ATG16L2: variants seen among roughly 807,000 people sequenced by gnomAD.
ATG16L2 encodes the protein protein Atg16l2.
ATG16L2 carries 77 observed loss-of-function variants against 84.7 expected under a neutral mutation model. The ratio of observed to expected loss-of-function variants is 0.91; its 90% CI spans 0.76 to 1.10. The LOEUF is 1.10. Among genes scored for constraint, ATG16L2 ranks in the 50% least tolerant of loss-of-function variants. The pLI, the probability that ATG16L2 is intolerant of heterozygous loss-of-function variation, is 0.00. For missense variants in ATG16L2, 782 were observed against 817.6 expected (o/e 0.96, Z 0.53); for synonymous variants, 361 against 342.8 (o/e 1.05, Z -0.59).
intron 11 of ATG16L2, 121 bp from the exon 12 acceptor site, chr11:72,826,397 C>A: frequency 6.8e-7 from 1 of 1,460,740 alleles, no homozygotes; most frequent in Non-Finnish European, 9.4e-7. Context: ...CCGGAGGCTC[C>A]TTTGCCTGCC....
Position 72,816,571 on chromosome 11 carries a change from T to C in ATG16L2, c.119-157T>C, listed in dbSNP as rs1303456638. ...TGAAGGTCCTGTAGAACTGCACAGA[T>C]GCCCCTCAGGCACAGGGCAGAGGCC... On this transcript the variant is annotated intron_variant, in intron 1 of 17. Coordinates refer to ENST00000321297, the MANE Select transcript of ATG16L2 (RefSeq NM_033388.2). Among the ~76,000 whole-genome samples the C allele has an allele frequency of 2.7e-4, 41 of 152,338 alleles. 2 individuals are homozygous for C. The highest frequency in any genetic ancestry group is 2.5e-3 in the Admixed American group (39 of 15,306).
At chr11:72,820,226 C>T (rs1330007074) in intron 3 of ATG16L2, 2 of 152,210 alleles carry the variant, frequency 1.3e-5, no homozygotes, top group South Asian at 2.1e-4. Context: ...AACTATAGTA[C>T]CCACAACCAG....
chr11:72,829,207 G>C, intron 17 of ATG16L2, 96 bp from the exon 18 acceptor site: 1 of 1,353,638 alleles, frequency 7.4e-7, no homozygotes, highest in Non-Finnish European at 1.0e-6. Flanking sequence ...GCTCAAGAGA[G>C]GGCCTCAAAC....
downstream of ATG16L2, among the ~76,000 whole-genome samples, chr11:72,833,998 GT>G (rs1289629829): frequency 6.6e-6 from 1 of 151,250 alleles, no homozygotes; most frequent in Non-Finnish European, 1.5e-5. Context: ...GCAAAAGTGT[GT>G]TTTTTGGCCT....
chr11:72,836,719 C>T (rs1017374042), intron 5 of ATG16L2: 5 of 152,510 alleles, frequency 3.3e-5, no homozygotes, highest in African/African-American at 1.2e-4. Context: ...TTACCCAAAC[C>T]TTTCTATATT....
chr11:72,816,460 C>T (rs548473298), intron 1 of ATG16L2: 13 of 418,216 alleles, frequency 3.1e-5, no homozygotes, highest in African/African-American at 1.8e-4. Context: ...GGCAGTACCC[C>T]GCAGTGGTCA....
chr11:72,823,004 C>A, intron 7 of ATG16L2, 43 bp downstream of exon 7: 1 of 1,413,390 alleles, frequency 7.1e-7, no homozygotes, highest in Non-Finnish European at 9.7e-7. Context: ...AGCTGAGCCC[C>A]ACCCCAGAGG....
chr11:72,824,807 G>A lies in ATG16L2; in HGVS notation c.961G>A (p.Ala321Thr). The change falls in exon 9 of 18, where the codon GCT becomes ACT. Residue 321 changes from alanine to threonine, a missense_variant. Transcript: ENST00000321297. ...ATACCAGATCATCCCTGTGTGTGTG[G>A]CTGCCCGACTTCCTACCCGGGCTCA... ...QRYQIIPVCVAARLPTRAQDV... is the reference protein window; with the variant it reads ...QRYQIIPVCVTARLPTRAQDV... The A allele has an allele frequency of 6.2e-7, 1 of 1,605,266 alleles. No individual in the cohort carries two copies. Among genetic ancestry groups the A allele is most frequent in the South Asian group, 1.1e-5 (1 of 90,020 alleles).
At chr11:72,839,991 G>A (rs1463255163) in intron 5 of ATG16L2, among the ~76,000 whole-genome samples, 1 of 152,136 alleles carries the variant, frequency 6.6e-6, no homozygotes, top group East Asian at 1.9e-4. Context: ...GAAAGCAAAC[G>A]AGGCAAATGT....
At position 72,821,702 on chromosome 11, in the gene ATG16L2, T is replaced by A. The variant is rs754669980; in HGVS notation, c.353T>A (p.Leu118Gln). ...AYQVVEKGAA[L>Q]GTLESELQQR... The stretch of plus-strand genomic sequence containing the variant: ...CAGGTGGTGGAGAAGGGCGCGGCCC[T>A]GGGCACGCTGGAGTCGGAGCTGCAG... Residue 118 changes from leucine to glutamine, a missense_variant, in exon 4 of 18, where the codon CTG (leucine) becomes CAG (glutamine). By Grantham distance (113) the Leu-to-Gln change is moderately radical. Transcript: ENST00000321297. The A allele has an allele frequency of 5.2e-6, 8 of 1,533,952 alleles. No homozygotes were observed. The highest frequency in any genetic ancestry group is 7.0e-6 in the Non-Finnish European group (8 of 1,144,520).
At chr11:72,828,158 T>TAA (rs1432904957) in intron 14 of ATG16L2, among the ~76,000 whole-genome samples, 1 of 92,912 alleles carries the variant, frequency 1.1e-5, no homozygotes, top group East Asian at 4.0e-4. Flanking sequence ...AATCAAAGTC[T>TAA]GTCTAAGTTC....
chr11:72,817,066 G>C (rs1859740469), intron 2 of ATG16L2, among the ~76,000 whole-genome samples: 1 of 152,148 alleles, frequency 6.6e-6, no homozygotes, highest in Non-Finnish European at 1.5e-5. Context: ...CTCTGCATTT[G>C]TCCCATCTCC....
chr11:72,826,290 T>G, intron 11 of ATG16L2, 47 bp downstream of exon 11: 1 of 1,593,078 alleles, frequency 6.3e-7, no homozygotes, highest in African/African-American at 1.3e-5. Context: ...CTCTCTGATC[T>G]CCACACTGGG....
chr11:72,822,265 AGCGCAACCT>A lies in ATG16L2; in HGVS notation c.622_630del (p.Leu208_Asn210del), dbSNP rs1860047049. The A allele has an allele frequency of 3.3e-6, 5 of 1,504,926 alleles. No homozygotes were observed. The highest frequency in any genetic ancestry group is 1.4e-5 in the African/African-American group (1 of 69,860). The allele number at this position is 1,504,926 out of a possible 1,614,324, so 93.2% of individuals were successfully genotyped here. On this transcript the variant is annotated inframe_deletion, in exon 5 of 18. Coordinates refer to ENST00000321297, the MANE Select transcript of ATG16L2 (RefSeq NM_033388.2). This position sits in a 1 kb window ranked among gnomAD's most constrained non-coding sequence, Gnocchi z 4.2. ...CAGCGCAAGGCGCGCGCCGCGGCCGAGCGCAACCTGCGCAACGAGCGCCGGGAGCGGTGA... is the reference window on the plus strand; with the variant it reads ...CAGCGCAAGGCGCGCGCCGCGGCCGAGCGCAACGAGCGCCGGGAGCGGTGA...
Position 72,822,186 on chromosome 11 carries a change from G to T in ATG16L2, c.535G>T (p.Ala179Ser). 6.7e-7 allele frequency: 1 copy of T among 1,500,304 alleles called. No homozygotes were observed. Among genetic ancestry groups the T allele is most frequent in the Non-Finnish European group, 8.8e-7 (1 of 1,134,508 alleles). The allele number at this position is 1,500,304 out of a possible 1,614,324, so 92.9% of individuals were successfully genotyped here. The change falls in exon 5 of 18, where the codon GCG becomes TCG. Residue 179 changes from alanine (A) to serine (S), a missense_variant. Physicochemically the swap from Ala to Ser is moderately conservative, Grantham distance 99. Transcript: ENST00000321297. This position sits in a 1 kb window ranked among gnomAD's most constrained non-coding sequence, Gnocchi z 4.2. Reference sequence around the variant, plus strand: ...GCGCGCGCACGTCGGGCTCCGGGAGGCGGCACTGCGCAGGCTCCAGGAAGA... The same window carrying T: ...GCGCGCGCACGTCGGGCTCCGGGAGTCGGCACTGCGCAGGCTCCAGGAAGA... ...ALRAHVGLRE[A>S]ALRRLQEEAR... is the part of the protein sequence containing the mutation.
chr11:72,823,196 T>A (rs1860118264), intron 7 of ATG16L2: 1 of 459,478 alleles, frequency 2.2e-6, no homozygotes, highest in South Asian at 2.5e-5. Flanking sequence ...CTTCTTGGGA[T>A]CAGAGCTCTG....
Position 72,828,879 on chromosome 11 carries a change from A to G in ATG16L2, c.1671-4A>G, listed in dbSNP as rs750254119. 3.1e-6 allele frequency: 5 copies of G among 1,614,062 alleles called. No homozygotes were observed. The highest frequency in any genetic ancestry group is 2.5e-6 in the Non-Finnish European group (3 of 1,179,984). On this transcript the variant is annotated splice_polypyrimidine_tract_variant and splice_region_variant and intron_variant, in intron 16 of 17. Transcript: ENST00000321297. Reference sequence around the variant, plus strand: ...GTTTTCTTGCTCTGCTGTGGCCACTACAGCCCGGACAGAAGCTATGCACTG... The same window carrying G: ...GTTTTCTTGCTCTGCTGTGGCCACTGCAGCCCGGACAGAAGCTATGCACTG...
In ATG16L2 at chr11:72,826,774, T is replaced by A; in HGVS notation, c.1317T>A (p.Thr439=). The A allele has an allele frequency of 6.2e-7, 1 of 1,614,046 alleles. No homozygotes were observed. The highest frequency in any genetic ancestry group is 2.2e-5 in the East Asian group (1 of 44,878). ...KFKLTRHQAV[T]GSRDRTVKEW... ...AGCTAACGAGGCACCAGGCAGTGACTGGGAGCCGCGACCGGACAGTGAAGG... is the reference window on the plus strand; with the variant it reads ...AGCTAACGAGGCACCAGGCAGTGACAGGGAGCCGCGACCGGACAGTGAAGG... The change falls in exon 13 of 18, where the codon ACT becomes ACA. Residue 439 remains threonine (T), a synonymous_variant. Transcript: ENST00000321297.
chr11:72,841,363 A>C, intron 5 of ATG16L2: 5 of 1,081,794 alleles, frequency 4.6e-6, no homozygotes, highest in Non-Finnish European at 5.2e-6. Flanking sequence ...AAAAAAAAAA[A>C]AGCAAATGCA....
Sources: gnomAD v4.1 joint callset for allele counts (sites outside exome capture counted in the v4.1 genomes callset) on GRCh38, gnomAD v4.1.1 for gene constraint, Gnocchi (gnomAD v3.1) non-coding constraint, MANE v1.5 for transcripts, NCBI Gene and HGNC (gene_info 2026-07-23, HGNC 2026-07-21) for gene names.